The following FPGS variants were observed in gnomAD, a reference collection of about 807,000 sequenced individuals.
FPGS encodes the protein folylpolyglutamate synthase.
FPGS carries 53 observed loss-of-function variants against 66.5 expected under a neutral mutation model. The observed-to-expected ratio is 0.80, with a 90% CI of 0.64 to 1.00. The LOEUF (loss-of-function observed/expected upper bound fraction) is 1.00. FPGS is among the 50% of genes least tolerant of loss of function. The pLI is 0.00. For missense variants in FPGS, 702 were observed against 807.7 expected, an observed-to-expected ratio of 0.87 and a Z score of 1.59; for synonymous variants, 348 against 350.9, an observed-to-expected ratio of 0.99 and a Z score of 0.09.
chr9:127,811,175 A>T (rs1352860370), intron 14 of FPGS, among the ~76,000 whole-genome samples, 164 bp downstream of exon 14: 4 of 152,160 alleles, frequency 2.6e-5, no homozygotes, highest in African/African-American at 9.6e-5. Flanking sequence ...TACTTTATTT[A>T]ATTTTATTTT....
chr9:127,814,358 C>G (rs777875197), downstream of FPGS: 1 of 182,628 alleles, frequency 5.5e-6, no homozygotes, highest in Non-Finnish European at 1.0e-5. Context: ...TTTCAAGAAG[C>G]CATGGAGGCC....
rs1181862562 is a variant in FPGS, at chr9:127,810,098, C to G, written c.1279C>G (p.Leu427Val). 1.2e-6 allele frequency: 2 copies of G among 1,613,070 alleles called. No homozygotes were observed. The highest frequency in any genetic ancestry group is 2.2e-5 in the South Asian group (2 of 90,996). The stretch of plus-strand genomic sequence containing the variant: ...CCGGGACCCGGCGGCCCTGCTGAAG[C>G]TGCTGCAGGTGAGGGGCCAACTTGG... ...GDRDPAALLK[L>V]LQPCQFDYAV... Residue 427 changes from leucine (L) to valine (V), a missense_variant, in exon 13 of 15, where the codon CTG becomes GTG. Transcript: ENST00000373247.
In FPGS at chr9:127,811,007, C is replaced by G. The variant is rs749901901; in HGVS notation, c.1350C>G (p.Asn450Lys). The change falls in exon 14 of 15, where the codon AAC (asparagine) becomes AAG (lysine). Residue 450 changes from asparagine (N) to lysine (K), a missense_variant. Coordinates refer to ENST00000373247, the MANE Select transcript of FPGS (RefSeq NM_004957.6). The stretch of plus-strand genomic sequence containing the variant: ...TGACAGAGGTGTCATCCACAGGCAA[C>G]GCAGGTGAGAGGTGACAGGCATGGC... Reference protein sequence around the residue: ...PNLTEVSSTGNADQQNFTVTL... With the variant: ...PNLTEVSSTGKADQQNFTVTL... The G allele has an allele frequency of 4.4e-6, 7 of 1,584,948 alleles. No individual in the cohort carries two copies. Among genetic ancestry groups the G allele is most frequent in the Non-Finnish European group, 6.0e-6 (7 of 1,162,740 alleles).
downstream of FPGS, chr9:127,814,098 C>T: frequency 2.0e-6 from 2 of 986,654 alleles, no homozygotes; most frequent in Non-Finnish European, 2.4e-6. Flanking sequence ...ACCCCCTGCT[C>T]CCTCAGCAGA....
chr9:127,808,867 G>GCCCACAT lies in FPGS; in HGVS notation c.1046_1052dup (p.Met351IlefsTer86). On this transcript the variant is annotated frameshift_variant, in exon 11 of 15. Transcript: ENST00000373247. LOFTEE classifies it high-confidence loss of function. ...AGCTGCCCCTGGCACCTGTGTTCCAGCCCACATCCCACATGCGGCTCGGTG... is the reference window on the plus strand; with the variant it reads ...AGCTGCCCCTGGCACCTGTGTTCCAGCCCACATCCCACATCCCACATGCGGCTCGGTG... 3 of 1,563,892 alleles carry GCCCACAT rather than the reference G, an allele frequency of 1.9e-6. No individual in the cohort carries two copies. Among genetic ancestry groups the GCCCACAT allele is most frequent in the Non-Finnish European group, 2.6e-6 (3 of 1,154,600 alleles).
At chr9:127,814,241 C>T, downstream of FPGS, 2 of 774,032 alleles carry the variant, frequency 2.6e-6, no homozygotes, top group Non-Finnish European at 3.1e-6. Context: ...GAAGACCAGA[C>T]TGAAGCCTGT....
chr9:127,806,898 C>T (rs1429111203), intron 4 of FPGS, 75 bp from the exon 5 acceptor site: 2 of 1,079,142 alleles, frequency 1.9e-6, no homozygotes, highest in Non-Finnish European at 2.9e-6. Flanking sequence ...AGGCCAGTAG[C>T]ATCAGTCCCT....
chr9:127,805,518 C>T (rs1313935204), intron 4 of FPGS, among the ~76,000 whole-genome samples: 1 of 151,962 alleles, frequency 6.6e-6, no homozygotes, highest in Admixed American at 6.6e-5. Flanking sequence ...AATCCTAGCA[C>T]TTTGGGAGGC....
chr9:127,808,169 G>C, intron 8 of FPGS, 65 bp from the exon 9 acceptor site: 1 of 1,226,642 alleles, frequency 8.2e-7, no homozygotes, highest in East Asian at 2.3e-5. Context: ...CAGGGATGTG[G>C]GGGCCAGAGA....
chr9:127,809,949 C>A (rs986217313), intron 12 of FPGS, 82 bp from the exon 13 acceptor site: 6 of 264,088 alleles, frequency 2.3e-5, no homozygotes, highest in African/African-American at 9.6e-5. Flanking sequence ...TGGGGAGGGG[C>A]GGGGTCGTGG....
chr9:127,810,639 T>C (rs1830034496), intron 13 of FPGS, among the ~76,000 whole-genome samples: 1 of 152,038 alleles, frequency 6.6e-6, no homozygotes, highest in Non-Finnish European at 1.5e-5. Flanking sequence ...ACCCACAGCC[T>C]TTTTCCAGCC....
In FPGS at chr9:127,807,452, G is replaced by T; in HGVS notation, c.611G>T (p.Gly204Val). 1 of 1,614,132 alleles carries T rather than the reference G, an allele frequency of 6.2e-7. No individual in the cohort carries two copies. The highest frequency in any genetic ancestry group is 8.5e-7 in the Non-Finnish European group (1 of 1,180,008). Residue 204 changes from glycine to valine, a missense_variant, in exon 7 of 15, where the codon GGC becomes GTC. Transcript: ENST00000373247. The surrounding 1 kb of genome is among the most constrained non-coding windows in gnomAD (Gnocchi z 5.8). ...CTGGCAGTGGTGGAGGTGGGCATTG[G>T]CGGGGCTTATGACTGCACCAACATC... ...VDLAVVEVGI[G>V]GAYDCTNIIR... is the part of the protein sequence containing the mutation.
chr9:127,805,105 T>TC (rs1221618282), intron 4 of FPGS, among the ~76,000 whole-genome samples: 1 of 152,054 alleles, frequency 6.6e-6, no homozygotes, highest in Non-Finnish European at 1.5e-5. Context: ...GCCAGGCTGT[T>TC]CTCGAACTCC....
chr9:127,804,213 T>A, intron 1 of FPGS, 72 bp from the exon 2 acceptor site: 1 of 1,570,152 alleles, frequency 6.4e-7, no homozygotes, highest in Non-Finnish European at 8.6e-7. Flanking sequence ...TGGCCACTGG[T>A]CTGCTGGCTG....
chr9:127,802,894 G>A lies in FPGS; in HGVS notation c.-31G>A. The A allele has an allele frequency of 7.5e-7, 1 of 1,341,498 alleles. No individual in the cohort carries two copies. The highest frequency in any genetic ancestry group is 9.5e-7 in the Non-Finnish European group (1 of 1,052,210). The allele number at this position is 1,341,498 out of a possible 1,614,324, so 83.1% of individuals were successfully genotyped here. A position where few individuals can be genotyped will look rare whatever the true frequency, so the allele number is the denominator to read the frequency against. On this transcript the variant is annotated 5_prime_UTR_variant, in exon 1 of 15. Transcript: ENST00000373247. The stretch of plus-strand genomic sequence containing the variant: ...GGCGGGGCGGGGCGTCTCCCGCCCG[G>A]GCCTAGAGCGCTGCCGGGGGCGCCG...
At chr9:127,808,338 G>T (rs749955008) in intron 9 of FPGS, 27 bp downstream of exon 9, 2 of 1,599,552 alleles carry the variant, frequency 1.3e-6, no homozygotes, top group South Asian at 2.2e-5. Flanking sequence ...TGGGGCAGCG[G>T]CAGGGTGGGT....
rs766910242 is a variant in FPGS at position 127,807,622 on chromosome 9, C to T, written c.678C>T (p.Ile226=). 7.5e-6 allele frequency: 12 copies of T among 1,610,652 alleles called. No individual in the cohort carries two copies. In the East Asian group the frequency reaches 8.9e-5, roughly 12 times the overall value. ...TGTGCGGAGTCTCCTCTCTTGGCAT[C>T]GACCACACCAGCCTCCTGGGGGATA... The part of the protein sequence containing the change: ...PVVCGVSSLG[I]DHTSLLGDTV... The change falls in exon 8 of 15, where the codon ATC becomes ATT. Residue 226 remains isoleucine (I), a synonymous_variant. Transcript: ENST00000373247. This position sits in a 1 kb window ranked among gnomAD's most constrained non-coding sequence, Gnocchi z 5.8.
At chr9:127,810,242 C>A in intron 13 of FPGS, 136 bp downstream of exon 13, 1 of 750,380 alleles carries the variant, frequency 1.3e-6, no homozygotes, top group Non-Finnish European at 2.2e-6. Flanking sequence ...TGTGCTGGTT[C>A]TGCCAGGTGC....
Position 127,813,467 on chromosome 9 carries a change from G to T in FPGS, c.1627G>T (p.Gly543Cys). Reference protein sequence around the residue: ...PIFQPPSPPKGLLTHPVAHSG... With the variant: ...PIFQPPSPPKCLLTHPVAHSG... ...CTTCCAGCCACCTAGTCCCCCAAAG[G>T]GCCTCCTCACCCACCCTGTGGCTCA... The change falls in exon 15 of 15, where the codon GGC (glycine) becomes TGC (cysteine). Residue 543 changes from glycine (G) to cysteine (C), a missense_variant. Gly to Cys is a radical substitution (Grantham distance 159). Around this residue, in one of 3 missense-constraint regions of FPGS, gnomAD observed 351 missense variants for 363.7 expected, o/e 0.97. Transcript: ENST00000373247. The T allele has an allele frequency of 6.2e-7, 1 of 1,612,964 alleles. No homozygotes were observed. The highest frequency in any genetic ancestry group is 8.5e-7 in the Non-Finnish European group (1 of 1,179,616).
Sources: gnomAD v4.1 joint callset for allele counts (sites outside exome capture counted in the v4.1 genomes callset) on GRCh38, gnomAD v4.1.1 for gene constraint, gnomAD v4.1.1 regional missense constraint, Gnocchi (gnomAD v3.1) non-coding constraint, MANE v1.5 for transcripts, NCBI Gene and HGNC (gene_info 2026-07-23, HGNC 2026-07-21) for gene names.